The following ACTR3C variants were observed in gnomAD, a reference collection of about 807,000 sequenced individuals.
ACTR3C encodes actin related protein 3C.
A neutral mutation model predicts 26.3 loss-of-function variants in ACTR3C; 18 were observed. That is an observed-to-expected ratio of 0.68 (90% CI 0.47 to 1.01). The LOEUF (loss-of-function observed/expected upper bound fraction) is 1.01, where lower values mean the gene tolerates loss of function less well. Ranked by LOEUF, ACTR3C falls within the 50% of genes least tolerant of loss-of-function variation. The probability of loss-of-function intolerance (pLI) is 0.00; values close to 1 mark genes in which losing one functional copy is unlikely to be tolerated. For synonymous variants in ACTR3C, 55 were observed against 94.5 expected (o/e 0.58, Z 2.42); for missense variants, 184 against 250.7 (o/e 0.73, Z 1.80).
the ACTR3C span, among the ~76,000 whole-genome samples, chr7:149,919,488 C>A: frequency 6.6e-6 from 1 of 152,182 alleles, no homozygotes; most frequent in African/African-American, 2.4e-5. Flanking sequence ...GATCCACCCA[C>A]CTCGGCCTCT....
the ACTR3C span, among the ~76,000 whole-genome samples, chr7:150,008,641 C>T: frequency 6.6e-6 from 1 of 150,706 alleles, no homozygotes; most frequent in East Asian, 1.9e-4. Context: ...CTACAGACTC[C>T]ATAGCACTAG....
At chr7:150,041,834 G>T in the ACTR3C span, among the ~76,000 whole-genome samples, 231 of 137,338 alleles carry the variant, frequency 1.7e-3, no homozygotes, top group African/African-American at 6.1e-3. Context: ...AGAGCCAGGG[G>T]TGGAAGAGGG....
At chr7:150,122,064 A>G in the ACTR3C span, among the ~76,000 whole-genome samples, 1 of 152,202 alleles carries the variant, frequency 6.6e-6, no homozygotes, top group South Asian at 2.1e-4. Flanking sequence ...CTTACACCTC[A>G]TACAAAAATT....
intron 7 of ACTR3C, chr7:150,248,144 G>C (rs868437454): frequency 5.9e-5 from 9 of 152,330 alleles, no homozygotes; most frequent in South Asian, 2.1e-4. Context: ...CCTAGCTCCT[G>C]TCCCAGGGAA....
At chr7:149,954,447 TG>T in the ACTR3C span, among the ~76,000 whole-genome samples, 1 of 152,184 alleles carries the variant, frequency 6.6e-6, no homozygotes, top group Admixed American at 6.5e-5. Flanking sequence ...TGCACATATT[TG>T]GGGGGACATA....
chr7:150,049,981 CA>C, the ACTR3C span, among the ~76,000 whole-genome samples: 1 of 152,120 alleles, frequency 6.6e-6, no homozygotes, highest in South Asian at 2.1e-4. Flanking sequence ...TCAGCTGCTC[CA>C]TTTGACTTTG....
intron 1 of ACTR3C, among the ~76,000 whole-genome samples, chr7:150,310,924 C>G (rs984727914): frequency 4.6e-5 from 7 of 152,208 alleles, no homozygotes; most frequent in African/African-American, 1.7e-4. Context: ...ATGTCTTCCC[C>G]TAGTGTTACA....
At chr7:150,086,092 T>C in the ACTR3C span, among the ~76,000 whole-genome samples, 1 of 152,080 alleles carries the variant, frequency 6.6e-6, no homozygotes, top group Non-Finnish European at 1.5e-5. Context: ...TAAGCGATTC[T>C]CGTGCCTCAG....
intron 1 of ACTR3C, among the ~76,000 whole-genome samples, chr7:150,305,188 A>G (rs1435149832): frequency 6.6e-6 from 1 of 151,938 alleles, no homozygotes; most frequent in African/African-American, 2.4e-5. Flanking sequence ...GGGAAAATCC[A>G]TTTTCTCCCA....
At chr7:149,926,136 T>C in the ACTR3C span, among the ~76,000 whole-genome samples, 197 of 152,016 alleles carry the variant, frequency 1.3e-3, 5 homozygotes, top group African/African-American at 4.4e-3. Flanking sequence ...TTCTTATGAC[T>C]CAAAATCTAG....
At chr7:149,907,618 T>C in the ACTR3C span, among the ~76,000 whole-genome samples, 543 of 148,666 alleles carry the variant, frequency 3.7e-3, 1 homozygote, top group African/African-American at 5.5e-3. Context: ...ATAGCTGCAG[T>C]CTGAGAGCTC....
At chr7:150,058,812 G>A in the ACTR3C span, among the ~76,000 whole-genome samples, 4 of 152,130 alleles carry the variant, frequency 2.6e-5, no homozygotes, top group Non-Finnish European at 5.9e-5. Flanking sequence ...CTACTCGCGA[G>A]GCTGAGGCAG....
the ACTR3C span, among the ~76,000 whole-genome samples, chr7:149,888,989 CAA>C: frequency 2.7e-5 from 4 of 147,858 alleles, no homozygotes; most frequent in Non-Finnish European, 6.0e-5. Context: ...GCCTGGGCGA[CAA>C]GAGTGAAACT....
chr7:150,088,851 T>C, the ACTR3C span, among the ~76,000 whole-genome samples: 1 of 152,160 alleles, frequency 6.6e-6, no homozygotes, highest in Admixed American at 6.5e-5. Context: ...CGATAATCAC[T>C]CAGGCCCTTT....
chr7:150,182,872 G>T, the ACTR3C span, among the ~76,000 whole-genome samples: 7 of 150,892 alleles, frequency 4.6e-5, no homozygotes, highest in African/African-American at 1.5e-4. Context: ...TAATGGACAA[G>T]GCTGAATAAA....
chr7:150,084,012 A>G, the ACTR3C span, among the ~76,000 whole-genome samples: 1 of 152,220 alleles, frequency 6.6e-6, no homozygotes, highest in Non-Finnish European at 1.5e-5. Flanking sequence ...TATGCTGAAG[A>G]TATATCTGCA....
the ACTR3C span, among the ~76,000 whole-genome samples, chr7:149,884,392 G>A: frequency 6.6e-6 from 1 of 152,282 alleles, no homozygotes; most frequent in Admixed American, 6.5e-5. Flanking sequence ...TAGACAAGAG[G>A]AATAAGTCCA....
the ACTR3C span, among the ~76,000 whole-genome samples, chr7:150,221,694 A>G: frequency 1.3e-5 from 2 of 152,186 alleles, no homozygotes; most frequent in African/African-American, 4.8e-5. Flanking sequence ...TTGGCTTGGT[A>G]ACAGAAGTAC....
At chr7:149,906,437 T>G in the ACTR3C span, among the ~76,000 whole-genome samples, 16 of 79,278 alleles carry the variant, frequency 2.0e-4, no homozygotes, top group East Asian at 2.1e-3. Context: ...TTTTTTTTTT[T>G]TTTTTTTTTT....
Sources: gnomAD v4.1 joint callset for allele counts (sites outside exome capture counted in the v4.1 genomes callset) on GRCh38, gnomAD v4.1.1 for gene constraint, MANE v1.5 for transcripts, NCBI Gene and HGNC (gene_info 2026-07-23, HGNC 2026-07-21) for gene names.